Variants in COL6A5 observed in about 807,000 individuals in gnomAD.
COL6A5 encodes collagen type VI alpha 5 chain.
COL6A5 carries 48 observed loss-of-function variants against 65.6 expected under a neutral mutation model. That is an observed-to-expected ratio of 0.73 (90% confidence interval 0.58 to 0.93). The LOEUF is 0.93. Ranked by LOEUF, COL6A5 falls within the 40% of genes least tolerant of loss-of-function variation. The pLI, the probability that COL6A5 is intolerant of heterozygous loss-of-function variation, is 0.00. For missense variants in COL6A5, 914 were observed against 928.3 expected (o/e 0.98, Z 0.20); for synonymous variants, 291 against 322.8 (o/e 0.90, Z 1.05).
chr3:130,471,980 TC>T, intron 7 of COL6A5, 54 bp downstream of exon 40: 2 of 1,478,056 alleles, frequency 1.4e-6, no homozygotes, highest in Non-Finnish European at 1.8e-6. Flanking sequence ...GTTTGGATTT[TC>T]CCCTGGTGGA....
At chr3:130,450,253 T>G (rs895322793) in intron 4 of COL6A5, among the ~76,000 whole-genome samples, 2 of 152,236 alleles carry the variant, frequency 1.3e-5, no homozygotes, top group African/African-American at 2.4e-5. Flanking sequence ...TTCCCTGGTG[T>G]TGTGGCAGGG....
exon 6 of COL6A5, chr3:130,469,422 A>G (rs1709895809): frequency 6.2e-7 from 1 of 1,612,954 alleles, no homozygotes; most frequent in Middle Eastern, 1.7e-4. Context: ...GGCCGAACCC[A>G]CAAGCCAGAT....
intron 24 of COL6A5, 65 bp downstream of exon 24, chr3:130,416,884 A>C (rs1030683921): frequency 2.3e-6 from 2 of 872,392 alleles, no homozygotes; most frequent in Non-Finnish European, 3.5e-6. Context: ...GATAATTAAT[A>C]ATTGCATATT....
At chr3:130,396,112 G>A (rs747763853) in intron 8 of COL6A5, among the ~76,000 whole-genome samples, 4 of 152,236 alleles carry the variant, frequency 2.6e-5, no homozygotes, top group Non-Finnish European at 5.9e-5. Context: ...GCATCTCACA[G>A]GAATGCCACT....
At position 130,426,107 on chromosome 3, in the gene COL6A5, G is replaced by A. The variant is rs1301138021; in HGVS notation, c.5164-107G>A. 3 of 1,002,572 alleles carry A rather than the reference G, an allele frequency of 3.0e-6. No individual in the cohort carries two copies. In the Admixed American group the frequency reaches 6.4e-5, roughly 21 times the overall value. The allele number at this position is 1,002,572 out of a possible 1,614,324, so 62.1% of individuals were successfully genotyped here. A position where few individuals can be genotyped will look rare whatever the true frequency, so the allele number is the denominator to read the frequency against. ...GGAATATTTTAACTACTCTCTACCA[G>A]CTGTGCTTTTAAGAAAGAAAGTTTT... On this transcript the variant is annotated intron_variant and NMD_transcript_variant, in intron 29 of 41. Transcript: ENST00000312481.
chr3:130,481,894 G>T lies in COL6A5; in HGVS notation c.2329-2141G>T, dbSNP rs768502676. Among the ~76,000 whole-genome samples the T allele has an allele frequency of 7.9e-5, 12 of 152,074 alleles. No individual in the cohort carries two copies. In the South Asian group the frequency reaches 1.5e-3, roughly 18 times the overall value. ...CCTTTGCCTACTTTTTAATGGGGTT[G>T]TTTTTTTAAATTGTAAATTTGTTTA... On this transcript the variant is annotated intron_variant, in intron 7 of 7. Transcript: ENST00000512836.
intron 3 of COL6A5, among the ~76,000 whole-genome samples, chr3:130,379,130 T>G (rs1935895555): frequency 6.6e-6 from 1 of 151,864 alleles, no homozygotes; most frequent in Admixed American, 6.6e-5. Flanking sequence ...ATCATACAAG[T>G]GGTGATGGCG....
chr3:130,362,326 A>ATAT (rs1935166422), intron 1 of COL6A5, among the ~76,000 whole-genome samples: 6 of 4,666 alleles, frequency 1.3e-3, no homozygotes, highest in African/African-American at 2.4e-3. Flanking sequence ...ATATATATAT[A>ATAT]TTTTTTTTTT....
intron 1 of COL6A5, among the ~76,000 whole-genome samples, chr3:130,357,718 A>G (rs565740572): frequency 1.3e-5 from 2 of 152,360 alleles, no homozygotes; most frequent in South Asian, 2.1e-4. Context: ...AAGAAAAAGC[A>G]TATGTGATCA....
chr3:130,397,540 C>T (rs1423460230), intron 8 of COL6A5, 43 bp from the exon 9 acceptor site: 4 of 1,455,294 alleles, frequency 2.7e-6, no homozygotes, highest in Non-Finnish European at 9.3e-7. Flanking sequence ...CTTCCTTACT[C>T]CTGTCTACTC....
intron 1 of COL6A5, among the ~76,000 whole-genome samples, chr3:130,366,230 C>G (rs1935336980): frequency 6.6e-6 from 1 of 152,076 alleles, no homozygotes; most frequent in African/African-American, 2.4e-5. Context: ...TTTTTAAAAT[C>G]TGGTGTATAA....
chr3:130,367,271 A>AC (rs1577433425), intron 1 of COL6A5, among the ~76,000 whole-genome samples: 1 of 152,216 alleles, frequency 6.6e-6, no homozygotes. Flanking sequence ...AGAACTTGAG[A>AC]AACAGTTTCC....
intron 4 of COL6A5, 91 bp downstream of exon 4, chr3:130,380,141 T>C: frequency 6.2e-6 from 6 of 969,608 alleles, no homozygotes; most frequent in Non-Finnish European, 8.9e-6. Flanking sequence ...TGTAATTGGA[T>C]AAAGGAACTT....
At chr3:130,388,762 C>A in exon 6 of COL6A5, 1 of 1,551,292 alleles carries the variant, frequency 6.4e-7, no homozygotes, top group Non-Finnish European at 8.7e-7. Context: ...AGAGTTCCAG[C>A]TTAATAGATA....
intron 23 of COL6A5, among the ~76,000 whole-genome samples, chr3:130,416,049 C>T: frequency 6.6e-6 from 1 of 152,092 alleles, no homozygotes; most frequent in East Asian, 1.9e-4. Context: ...ATGCCATGCA[C>T]CTATGTCTCC....
At chr3:130,367,199 T>G (rs1471191264) in intron 1 of COL6A5, among the ~76,000 whole-genome samples, 1 of 152,214 alleles carries the variant, frequency 6.6e-6, no homozygotes, top group African/African-American at 2.4e-5. Context: ...CCTTCTGTCC[T>G]AATCCAGTTT....
rs1460058967 is a variant in COL6A5, at chr3:130,345,767, A to C, written c.-243A>C. On this transcript the variant is annotated 5_prime_UTR_variant and NMD_transcript_variant, in exon 1 of 42. Transcript: ENST00000312481. ...CCGGCTTAAAAGACCCTCTCAGGGC[A>C]CGAGGCGTTCGCTGCGGGAATCCAC... 5 of 398,692 alleles carry C rather than the reference A, an allele frequency of 1.3e-5. No individual in the cohort carries two copies. The East Asian group carries it at 1.8e-4, about 14-fold the overall frequency. The allele number at this position is 398,692 out of a possible 1,614,324, so 24.7% of individuals were successfully genotyped here.
At chr3:130,365,216 CAGA>C (rs916693123) in intron 1 of COL6A5, among the ~76,000 whole-genome samples, 2 of 152,176 alleles carry the variant, frequency 1.3e-5, no homozygotes, top group African/African-American at 2.4e-5. Flanking sequence ...GGAGAATCCT[CAGA>C]AGGAGTAATG....
At chr3:130,451,704 T>C (rs899941690) in intron 4 of COL6A5, among the ~76,000 whole-genome samples, 5 of 152,080 alleles carry the variant, frequency 3.3e-5, no homozygotes, top group African/African-American at 1.2e-4. Flanking sequence ...TGACCGTAAG[T>C]CAAAGTCATC....
Sources: allele counts gnomAD v4.1 joint callset (sites outside exome capture counted in the v4.1 genomes callset), GRCh38; gene constraint gnomAD v4.1.1; transcripts MANE v1.5; gene names NCBI Gene and HGNC (gene_info 2026-07-23, HGNC 2026-07-21).